The following SLC26A9 variants were observed in gnomAD, a reference collection of about 807,000 sequenced individuals.
The protein encoded by SLC26A9 is anion transporter/exchanger protein 9.
In SLC26A9, 46 loss-of-function variants were observed where a neutral mutation model predicts 87.1. That is an observed-to-expected ratio of 0.53 (90% confidence interval 0.42 to 0.67). SLC26A9 has a LOEUF of 0.67. SLC26A9 is among the 30% of genes least tolerant of loss of function. The probability of loss-of-function intolerance (pLI) is 0.00; values close to 1 mark genes in which losing one functional copy is unlikely to be tolerated. For missense variants in SLC26A9, 927 were observed against 1,018.3 expected (o/e 0.91, Z 1.22); for synonymous variants, 437 against 409.1 (o/e 1.07, Z -0.82).
rs1658472037 is a variant in SLC26A9, at chr1:205,913,939, G to A, written c.*1418C>T. 1 of 152,200 alleles carries A rather than the reference G, an allele frequency of 6.6e-6. No individual in the cohort carries two copies. The highest frequency in any genetic ancestry group is 2.4e-5 in the African/African-American group (1 of 41,442). The allele number at this position is 152,200 out of a possible 1,614,324, so 9.4% of individuals were successfully genotyped here. ...GCCAGCCCAACCTGTTAGGGAAGGG[G>A]TTGTTAAGCTGAAGAAGCTTGAGAA... On this transcript the variant is annotated 3_prime_UTR_variant, in exon 21 of 21. Transcript: ENST00000367135.
At chr1:205,940,172 G>A (rs1481531701) in intron 1 of SLC26A9, among the ~76,000 whole-genome samples, 2 of 152,108 alleles carry the variant, frequency 1.3e-5, no homozygotes, top group Non-Finnish European at 2.9e-5. Flanking sequence ...CAGGAGAGTG[G>A]GTCAAATCTG....
chr1:205,935,708 C>T lies in SLC26A9; in HGVS notation c.113G>A (p.Arg38His), dbSNP rs755293789. ...CTGGACCAGTTACCTGAAGGCATTG[C>T]GAAGTTTCTCTCCCACTGGGTATGT... The part of the protein sequence containing the change: ...DRTYPVGEKL[R>H]NAFRCSSAKI... Residue 38 changes from arginine to histidine, a missense_variant, in exon 2 of 21, where the codon CGC becomes CAC. Physicochemically the swap from Arg to His is conservative, Grantham distance 29. Transcript: ENST00000367135. 4.7e-5 allele frequency: 76 copies of T among 1,613,888 alleles called. No individual in the cohort carries two copies. The highest frequency in any genetic ancestry group is 1.6e-4 in the Middle Eastern group (1 of 6,080).
At chr1:205,942,621 A>AGG (rs1659798105) in intron 1 of SLC26A9, among the ~76,000 whole-genome samples, 1 of 152,128 alleles carries the variant, frequency 6.6e-6, no homozygotes, top group East Asian at 1.9e-4. Flanking sequence ...CTGCAGGATG[A>AGG]GGGGTTTGGA....
chr1:205,932,641 G>A (rs1417674973), intron 4 of SLC26A9, 61 bp downstream of exon 4: 34 of 1,393,650 alleles, frequency 2.4e-5, no homozygotes, highest in Non-Finnish European at 3.1e-5. Flanking sequence ...AGGCCCCTTT[G>A]CCACACCTCC....
At chr1:205,933,888 G>A (rs1372521102) in intron 2 of SLC26A9, among the ~76,000 whole-genome samples, 1 of 152,174 alleles carries the variant, frequency 6.6e-6, no homozygotes, top group Non-Finnish European at 1.5e-5. Flanking sequence ...TCCTTTCATA[G>A]AAACTCAGGA....
chr1:205,924,820 A>G (rs760107953), intron 12 of SLC26A9: 9 of 270,268 alleles, frequency 3.3e-5, no homozygotes, highest in Non-Finnish European at 5.0e-5. Context: ...TTTTGGAGTC[A>G]CAGGGTCTTG....
Position 205,929,848 on chromosome 1 carries a change from G to T in SLC26A9, c.717+44C>A, listed in dbSNP as rs1352246768. The T allele has an allele frequency of 1.9e-6, 3 of 1,548,210 alleles. No homozygotes were observed. In the Admixed American group the frequency reaches 5.5e-5, roughly 28 times the overall value. Reference sequence around the variant, plus strand: ...AACAGTACATCCTCCTCATGTGTCTGCTGGAGCCTTGCTCCAATGGCAGGG... The same window carrying T: ...AACAGTACATCCTCCTCATGTGTCTTCTGGAGCCTTGCTCCAATGGCAGGG... On this transcript the variant is annotated intron_variant, in intron 6 of 20. Transcript: ENST00000367135.
At position 205,928,902 on chromosome 1, in the gene SLC26A9, A is replaced by G. The variant is rs1659190639; in HGVS notation, c.878T>C (p.Val293Ala). 6.2e-7 allele frequency: 1 copy of G among 1,614,132 alleles called. No homozygotes were observed. Among genetic ancestry groups the G allele is most frequent in the Admixed American group, 1.7e-5 (1 of 60,032 alleles). Residue 293 changes from valine to alanine, a missense_variant, in exon 8 of 21, where the codon GTG (valine) becomes GCG (alanine). Physicochemically the swap from Val to Ala is moderately conservative, Grantham distance 64. Transcript: ENST00000367135. Reference protein sequence around the residue: ...PIPTEMIVVVVATAISGGCKM... With the variant: ...PIPTEMIVVVAATAISGGCKM... ...ACAGCCCCCGGAGATAGCTGTTGCC[A>G]CCACCACCTGCAAACCCCAGAGTGG... is the stretch of plus-strand genomic sequence containing the variant.
At chr1:205,915,577 A>C (rs540762450) in intron 20 of SLC26A9, among the ~76,000 whole-genome samples, 173 bp from the exon 21 acceptor site, 137 of 151,656 alleles carry the variant, frequency 9.0e-4, no homozygotes, top group Non-Finnish European at 1.2e-4. Flanking sequence ...GGGGAGAGGC[A>C]GGGTCAGCCT....
At position 205,943,087 on chromosome 1, in the gene SLC26A9, C is replaced by T. The variant is rs140244672; in HGVS notation, c.-19+278G>A. 4.0e-4 allele frequency among the ~76,000 whole-genome samples: 61 copies of T among 152,286 alleles called. 1 individual carries two copies. In the East Asian group the frequency reaches 0.011, roughly 27 times the overall value. On this transcript the variant is annotated intron_variant, in intron 1 of 20. Coordinates refer to ENST00000367135, the MANE Select transcript of SLC26A9 (RefSeq NM_052934.4). ...CGGAGGCCTTTGCCTCGCTCTGTTT[C>T]GGGGTCTGGCGACCACCACACCCTC...
At chr1:205,929,168 G>T (rs778571030) in intron 7 of SLC26A9, 36 bp downstream of exon 7, 2 of 1,595,326 alleles carry the variant, frequency 1.3e-6, no homozygotes, top group South Asian at 1.1e-5. Flanking sequence ...TCACAGCCTG[G>T]CCCCCCAACA....
Position 205,927,899 on chromosome 1 carries a change from T to A in SLC26A9, c.1101+3A>T, listed in dbSNP as rs758061469. The A allele has an allele frequency of 3.7e-6, 6 of 1,613,796 alleles. No homozygotes were observed. The highest frequency in any genetic ancestry group is 5.1e-6 in the Non-Finnish European group (6 of 1,179,772). On this transcript the variant is annotated splice_donor_region_variant and intron_variant, in intron 9 of 20. Transcript: ENST00000367135. ...CAGTCCTGCCGGGGGTGGCCAGAGC[T>A]ACCTGGTTCGAATCCACGTCGTAGC...
At chr1:205,933,188 CAA>C in intron 2 of SLC26A9, 104 bp from the exon 3 acceptor site, 4 of 1,491,538 alleles carry the variant, frequency 2.7e-6, no homozygotes, top group Non-Finnish European at 3.7e-6. Context: ...TTGGTTCATT[CAA>C]AATTCACTGA....
chr1:205,924,381 A>T lies in SLC26A9; in HGVS notation c.1496+2T>A. 3 of 1,614,020 alleles carry T rather than the reference A, an allele frequency of 1.9e-6. No individual in the cohort carries two copies. Among genetic ancestry groups the T allele is most frequent in the Non-Finnish European group, 2.5e-6 (3 of 1,179,892 alleles). ...CCTAGGAGGGCGGAAGCTATCACTT[A>T]CAACTGAGTCTGGAAGACCACGACC... On this transcript the variant is annotated splice_donor_variant, in intron 13 of 20. Transcript: ENST00000367135. LOFTEE classifies it high-confidence loss of function.
In SLC26A9 at chr1:205,929,936, C is replaced by T. The variant is rs760280746; in HGVS notation, c.673G>A (p.Gly225Arg). ...ILISVLKYIF[G>R]LTIPSYTGPG... ...CCTGTGTAGGAGGGGATGGTCAGTC[C>T]GAAGATGTACTTGAGCACCGAAATC... is the stretch of plus-strand genomic sequence containing the variant. The change falls in exon 6 of 21, where the codon GGA (glycine) becomes AGA (arginine). Residue 225 changes from glycine to arginine, a missense_variant. Physicochemically the swap from Gly to Arg is moderately radical, Grantham distance 125. Transcript: ENST00000367135. 9 of 1,613,374 alleles carry T rather than the reference C, an allele frequency of 5.6e-6. No individual in the cohort carries two copies. Among genetic ancestry groups the T allele is most frequent in the Non-Finnish European group, 5.9e-6 (7 of 1,179,422 alleles).
chr1:205,926,006 C>G (rs1361053091), intron 12 of SLC26A9, among the ~76,000 whole-genome samples: 1 of 152,170 alleles, frequency 6.6e-6, no homozygotes, highest in South Asian at 2.1e-4. Context: ...TTTGACGCAA[C>G]CATGACTGCA....
chr1:205,937,677 C>T (rs948288668), intron 1 of SLC26A9, among the ~76,000 whole-genome samples: 15 of 152,168 alleles, frequency 9.9e-5, no homozygotes, highest in Non-Finnish European at 7.3e-5. Flanking sequence ...AGGCTGCCGG[C>T]CCTTCACCGC....
In SLC26A9 at chr1:205,927,599, T is replaced by C; in HGVS notation, c.1108A>G (p.Ile370Val). Residue 370 changes from isoleucine (I) to valine (V), a missense_variant, in exon 10 of 21, where the codon ATC becomes GTC. Physicochemically the swap from Ile to Val is conservative, Grantham distance 29. Transcript: ENST00000367135. ...AAGAAGTTGCTGCAGCCGAGAGCGA[T>C]CATCTCCTGCAGGGAGGGGACAGGA... The part of the protein sequence containing the change: ...GYDVDSNQEM[I>V]ALGCSNFFGS... 1 of 1,613,362 alleles carries C rather than the reference T, an allele frequency of 6.2e-7. No homozygotes were observed. Among genetic ancestry groups the C allele is most frequent in the South Asian group, 1.1e-5 (1 of 90,924 alleles).
intron 4 of SLC26A9, among the ~76,000 whole-genome samples, chr1:205,932,308 C>A (rs1466340592): frequency 6.6e-6 from 1 of 152,208 alleles, no homozygotes; most frequent in African/African-American, 2.4e-5. Flanking sequence ...CAGAAACCAG[C>A]CCTTGTGACC....
Sources: gnomAD v4.1 joint callset for allele counts (sites outside exome capture counted in the v4.1 genomes callset) on GRCh38, gnomAD v4.1.1 for gene constraint, MANE v1.5 for transcripts, NCBI Gene and HGNC (gene_info 2026-07-23, HGNC 2026-07-21) for gene names.